The following BRINP1 variants were observed in gnomAD, a reference collection of about 807,000 sequenced individuals.
The protein encoded by BRINP1 is BMP/retinoic acid inducible neural specific 1.
A neutral mutation model predicts 72.9 loss-of-function variants in BRINP1; 17 were observed. That is an observed-to-expected ratio of 0.23 (90% CI 0.16 to 0.35). The LOEUF (loss-of-function observed/expected upper bound fraction) is 0.35. BRINP1 is among the 10% of genes least tolerant of loss of function. The pLI is 1.00. For missense variants in BRINP1, 850 were observed against 1,001.6 expected (o/e 0.85, Z 2.04); for synonymous variants, 418 against 378.5 (o/e 1.10, Z -1.21).
At chr9:119,178,555 C>T (rs1352249607) in intron 7 of BRINP1, among the ~76,000 whole-genome samples, 1 of 152,214 alleles carries the variant, frequency 6.6e-6, no homozygotes, top group African/African-American at 2.4e-5. Flanking sequence ...GTCATAAACT[C>T]TACAAGGTTC....
At chr9:119,259,731 T>C (rs559897727) in intron 2 of BRINP1, among the ~76,000 whole-genome samples, 66 of 152,148 alleles carry the variant, frequency 4.3e-4, no homozygotes, top group Non-Finnish European at 6.3e-4. Flanking sequence ...TCTTTGTCAC[T>C]GACTTAAATT....
At chr9:119,238,630 C>T (rs1293223285) in intron 5 of BRINP1, 25 bp downstream of exon 5, 1 of 1,492,990 alleles carries the variant, frequency 6.7e-7, no homozygotes, top group Admixed American at 1.7e-5. Context: ...CCCAACTGAC[C>T]CCACTTTTTC....
chr9:119,167,834 G>A lies in BRINP1; in HGVS notation c.1536C>T (p.Leu512=), dbSNP rs148767782. The A allele has an allele frequency of 3.3e-5, 53 of 1,614,040 alleles. No individual in the cohort carries two copies. In the East Asian group the frequency reaches 8.9e-4, roughly 27 times the overall value. The change falls in exon 8 of 8, where the codon CTC becomes CTT. Residue 512 remains leucine (L), a synonymous_variant. Coordinates refer to ENST00000265922, the MANE Select transcript of BRINP1 (RefSeq NM_014618.3). The surrounding 1 kb of genome is among the most constrained non-coding windows in gnomAD (Gnocchi z 4.3). Reference sequence around the variant, plus strand: ...GCCACCGAGGGTCAAAGAAGGTGTCGAGGCGGATCTCGTTGCTGATGAAGG... The same window carrying A: ...GCCACCGAGGGTCAAAGAAGGTGTCAAGGCGGATCTCGTTGCTGATGAAGG... ...HTTFISNEIR[L]DTFFDPRWRK...
chr9:119,251,166 T>C (rs1830383100), intron 2 of BRINP1, among the ~76,000 whole-genome samples: 1 of 152,202 alleles, frequency 6.6e-6, no homozygotes, highest in Non-Finnish European at 1.5e-5. Flanking sequence ...CCTTGCATGT[T>C]GTTGCAGGTA....
chr9:119,191,786 G>A (rs230084), intron 7 of BRINP1, among the ~76,000 whole-genome samples: 19,068 of 151,742 alleles, frequency 0.13, 2,089 homozygotes, highest in African/African-American at 0.3. Flanking sequence ...AACTCACATA[G>A]CCAAAGCAAT....
intron 3 of BRINP1, among the ~76,000 whole-genome samples, chr9:119,248,189 T>C (rs1356971096): frequency 6.6e-6 from 1 of 152,196 alleles, no homozygotes; most frequent in Non-Finnish European, 1.5e-5. Context: ...GCATGGGCCA[T>C]ACCTAAATGC....
chr9:119,218,746 ATTTTT>A (rs10685419), intron 5 of BRINP1, among the ~76,000 whole-genome samples: 1 of 133,374 alleles, frequency 7.5e-6, no homozygotes, highest in Non-Finnish European at 1.6e-5. Context: ...AAACTCAGGG[ATTTTT>A]TTTTTTTTTT....
intron 2 of BRINP1, among the ~76,000 whole-genome samples, chr9:119,285,744 G>A (rs1830755295): frequency 6.6e-6 from 1 of 151,690 alleles, no homozygotes; most frequent in African/African-American, 2.4e-5. Context: ...AGGTTTTCTT[G>A]AATCCCCAGA....
At chr9:119,184,232 G>C (rs230150) in intron 7 of BRINP1, among the ~76,000 whole-genome samples, 39,488 of 151,934 alleles carry the variant, frequency 0.26, 6,791 homozygotes, top group African/African-American at 0.49. Flanking sequence ...ATTCCTACTA[G>C]TGTTGACTTA....
At chr9:119,278,338 T>C (rs931876560) in intron 2 of BRINP1, among the ~76,000 whole-genome samples, 3 of 152,146 alleles carry the variant, frequency 2.0e-5, no homozygotes, top group Admixed American at 6.5e-5. Context: ...TTCTGAGCAG[T>C]GAACCATTCC....
At chr9:119,176,403 T>C (rs1472418614) in intron 7 of BRINP1, among the ~76,000 whole-genome samples, 1 of 152,200 alleles carries the variant, frequency 6.6e-6, no homozygotes, top group Non-Finnish European at 1.5e-5. Flanking sequence ...ACAATCCATC[T>C]ATTCTATCAC....
chr9:119,295,783 T>C (rs1830870401), intron 2 of BRINP1, among the ~76,000 whole-genome samples: 1 of 152,112 alleles, frequency 6.6e-6, no homozygotes. Context: ...CCACACACAA[T>C]GAGGAAAAGG....
chr9:119,325,118 A>AAG (rs767203877), intron 1 of BRINP1, among the ~76,000 whole-genome samples: 16 of 151,546 alleles, frequency 1.1e-4, no homozygotes, highest in Non-Finnish European at 2.1e-4. Context: ...GAAAGAAAGA[A>AAG]AGAGAGAGAG....
intron 1 of BRINP1, among the ~76,000 whole-genome samples, chr9:119,337,850 T>G (rs1831362943): frequency 1.3e-5 from 2 of 152,334 alleles, no homozygotes; most frequent in South Asian, 2.1e-4. Flanking sequence ...GGAATATAAG[T>G]GTCTTTTGTC....
chr9:119,238,984 A>G (rs929604609), intron 4 of BRINP1, among the ~76,000 whole-genome samples: 3 of 152,200 alleles, frequency 2.0e-5, no homozygotes, highest in African/African-American at 7.2e-5. Flanking sequence ...GCCTGTTCCT[A>G]CCACTGGTTC....
intron 5 of BRINP1, among the ~76,000 whole-genome samples, chr9:119,215,488 C>T (rs1228043250): frequency 2.6e-5 from 4 of 152,178 alleles, no homozygotes; most frequent in African/African-American, 9.6e-5. Context: ...TTCTACTACT[C>T]ACTGTGTAAA....
At chr9:119,205,185 C>T (rs760526519) in intron 7 of BRINP1, among the ~76,000 whole-genome samples, 27 of 152,156 alleles carry the variant, frequency 1.8e-4, no homozygotes, top group Non-Finnish European at 2.6e-4. Context: ...CGGCCCACAG[C>T]CCGTCCAAGG....
At chr9:119,318,844 GGTGT>G (rs56756136) in intron 1 of BRINP1, among the ~76,000 whole-genome samples, 18,007 of 141,950 alleles carry the variant, frequency 0.13, 1,283 homozygotes, top group South Asian at 0.19. Context: ...AAATGTGTGG[GGTGT>G]GTGTGTGTGT....
At chr9:119,344,800 C>T (rs2119026862) in intron 1 of BRINP1, among the ~76,000 whole-genome samples, 1 of 152,300 alleles carries the variant, frequency 6.6e-6, no homozygotes, top group East Asian at 1.9e-4. Context: ...TATCCATTGA[C>T]CATCCTCTGC....
Sources: allele counts gnomAD v4.1 joint callset (sites outside exome capture counted in the v4.1 genomes callset), GRCh38; gene constraint gnomAD v4.1.1; non-coding constraint Gnocchi (gnomAD v3.1); transcripts MANE v1.5; gene names NCBI Gene and HGNC (gene_info 2026-07-23, HGNC 2026-07-21).